Variants in NEDD9 observed in about 807,000 individuals in gnomAD.
NEDD9 encodes the protein neural precursor cell expressed, developmentally down-regulated 9.
A neutral mutation model predicts 76.6 loss-of-function variants in NEDD9; 26 were observed. The ratio of observed to expected loss-of-function variants is 0.34; its 90% CI spans 0.25 to 0.47. NEDD9 has a LOEUF of 0.47. Among genes scored for constraint, NEDD9 ranks in the 20% least tolerant of loss-of-function variants. The pLI is 1.00. For synonymous variants in NEDD9, 392 were observed against 414.2 expected, an observed-to-expected ratio of 0.95 and a Z score of 0.65; for missense variants, 937 against 1,058.5, an observed-to-expected ratio of 0.89 and a Z score of 1.59.
chr6:11,184,977 GAA>G lies in NEDD9; in HGVS notation c.*183_*184del. ...TGTATACATAAGAACCACTCAGGGG[GAA>G]AAAAAAAGATTTCCCTCTCCAGCTC... is the stretch of plus-strand genomic sequence containing the variant. On this transcript the variant is annotated 3_prime_UTR_variant, in exon 7 of 7. Transcript: ENST00000379446. 1.4e-6 allele frequency: 1 copy of G among 699,188 alleles called. No individual in the cohort carries two copies. The highest frequency in any genetic ancestry group is 2.2e-6 in the Non-Finnish European group (1 of 453,990). 43.3% of individuals were successfully genotyped at this position (699,188 alleles called of 1,614,324 possible). A position where few individuals can be genotyped will look rare whatever the true frequency, so the allele number is the denominator to read the frequency against.
chr6:11,201,525 T>C (rs917930172), intron 2 of NEDD9, among the ~76,000 whole-genome samples: 1 of 152,042 alleles, frequency 6.6e-6, no homozygotes, highest in African/African-American at 2.4e-5. Context: ...AGCAGAAAAA[T>C]CCTACTCTTT....
intron 2 of NEDD9, among the ~76,000 whole-genome samples, chr6:11,206,391 C>A (rs1240630875): frequency 1.3e-5 from 2 of 152,044 alleles, no homozygotes; most frequent in Non-Finnish European, 2.9e-5. Flanking sequence ...TGCATTCCAG[C>A]CTGGACAACA....
intron 3 of NEDD9, among the ~76,000 whole-genome samples, chr6:11,256,760 G>A (rs1029115742): frequency 2.0e-5 from 3 of 152,148 alleles, no homozygotes; most frequent in Non-Finnish European, 4.4e-5. Context: ...CACCCTGCCC[G>A]GTCGAATTCT....
At chr6:11,329,473 A>G (rs1053019260) in intron 2 of NEDD9, among the ~76,000 whole-genome samples, 4 of 152,152 alleles carry the variant, frequency 2.6e-5, no homozygotes, top group Admixed American at 6.5e-5. Context: ...TAGGGTTTTG[A>G]CGCACAGGAC....
intron 3 of NEDD9, among the ~76,000 whole-genome samples, chr6:11,304,677 A>G (rs1431091540): frequency 6.6e-6 from 1 of 152,214 alleles, no homozygotes; most frequent in Non-Finnish European, 1.5e-5. Flanking sequence ...AAAGCTGGAA[A>G]CCATCATTCT....
At chr6:11,317,873 A>G (rs970265398) in intron 2 of NEDD9, among the ~76,000 whole-genome samples, 1 of 152,170 alleles carries the variant, frequency 6.6e-6, no homozygotes, top group Non-Finnish European at 1.5e-5. Context: ...TTTTGAAATG[A>G]GATTAACGTG....
chr6:11,366,270 A>AGAAGGAAGGAAGGAAG lies in NEDD9; in HGVS notation c.-214+15853_-214+15868dup, dbSNP rs753253031. 1.6e-3 allele frequency among the ~76,000 whole-genome samples: 214 copies of AGAAGGAAGGAAGGAAG among 132,500 alleles called. 2 individuals are homozygous for AGAAGGAAGGAAGGAAG. Among genetic ancestry groups the AGAAGGAAGGAAGGAAG allele is most frequent in the African/African-American group, 6.8e-3 (205 of 30,282 alleles). 86.9% of individuals were successfully genotyped at this position (132,500 alleles called of 152,430 possible). ...GGGTGACAGAGTGAGAGTCTGAGAA[A>AGAAGGAAGGAAGGAAG]GAAGGAAGGAAGGAAGGAAGGAAGG... On this transcript the variant is annotated intron_variant, in intron 1 of 3. Coordinates refer to the NEDD9 transcript ENST00000397378.
At chr6:11,299,419 G>A (rs1044794219) in intron 3 of NEDD9, among the ~76,000 whole-genome samples, 1 of 152,204 alleles carries the variant, frequency 6.6e-6, no homozygotes, top group South Asian at 2.1e-4. Flanking sequence ...CCACCTCTGG[G>A]GTCAGGGCAT....
intron 1 of NEDD9, among the ~76,000 whole-genome samples, chr6:11,343,172 G>T (rs895785693): frequency 6.6e-6 from 1 of 152,166 alleles, no homozygotes; most frequent in African/African-American, 2.4e-5. Flanking sequence ...GCTCACGTCT[G>T]TAATCCCAGC....
intron 2 of NEDD9, among the ~76,000 whole-genome samples, chr6:11,203,931 G>C (rs1486454863): frequency 6.6e-6 from 1 of 151,704 alleles, no homozygotes; most frequent in Non-Finnish European, 1.5e-5. Flanking sequence ...AAAAACTTAA[G>C]GGTCAAGTTG....
intron 3 of NEDD9, among the ~76,000 whole-genome samples, chr6:11,282,416 A>C (rs1187441777): frequency 6.6e-6 from 1 of 152,190 alleles, no homozygotes; most frequent in East Asian, 1.9e-4. Flanking sequence ...CCATGCAGAC[A>C]GTGATGACCA....
At chr6:11,246,823 G>A (rs1156475406) in intron 3 of NEDD9, among the ~76,000 whole-genome samples, 1 of 152,168 alleles carries the variant, frequency 6.6e-6, no homozygotes, top group African/African-American at 2.4e-5. Context: ...TGGGCCAGTC[G>A]ACATGTTTCC....
intron 2 of NEDD9, among the ~76,000 whole-genome samples, chr6:11,202,735 A>T (rs897504624): frequency 2.6e-5 from 4 of 152,238 alleles, no homozygotes; most frequent in Non-Finnish European, 5.9e-5. Flanking sequence ...GCCATGTCCA[A>T]GGTTAACTCT....
intron 2 of NEDD9, among the ~76,000 whole-genome samples, chr6:11,323,894 A>T (rs759960374): frequency 1.6e-4 from 25 of 152,214 alleles, no homozygotes; most frequent in Non-Finnish European, 3.1e-4. Flanking sequence ...AAATCAGGAA[A>T]AGCATTCTTA....
At chr6:11,263,049 T>A (rs975948051) in intron 3 of NEDD9, among the ~76,000 whole-genome samples, 1 of 152,240 alleles carries the variant, frequency 6.6e-6, no homozygotes, top group African/African-American at 2.4e-5. Flanking sequence ...TTGGCTAATT[T>A]TTAATTCTGA....
intron 3 of NEDD9, among the ~76,000 whole-genome samples, chr6:11,263,594 A>G (rs930980597): frequency 2.6e-5 from 4 of 152,200 alleles, no homozygotes; most frequent in Admixed American, 1.3e-4. Context: ...GTGCTTGGAA[A>G]GTGAAAGCAA....
intron 1 of NEDD9, among the ~76,000 whole-genome samples, chr6:11,217,848 C>G (rs1273214556): frequency 6.6e-6 from 1 of 152,194 alleles, no homozygotes; most frequent in African/African-American, 2.4e-5. Flanking sequence ...ACCCTGATTG[C>G]AGCAGCCTCT....
intron 1 of NEDD9, among the ~76,000 whole-genome samples, chr6:11,359,088 G>GTTCT (rs1260221026): frequency 6.6e-6 from 1 of 152,200 alleles, no homozygotes; most frequent in African/African-American, 2.4e-5. Flanking sequence ...GAAAATTCCT[G>GTTCT]TTCTACTCCA....
intron 1 of NEDD9, among the ~76,000 whole-genome samples, chr6:11,220,041 AT>A (rs1419970108): frequency 6.6e-6 from 1 of 152,204 alleles, no homozygotes; most frequent in African/African-American, 2.4e-5. Context: ...AATATAAGAT[AT>A]GCTAATTTTT....
Sources: allele counts gnomAD v4.1 joint callset (sites outside exome capture counted in the v4.1 genomes callset), GRCh38; gene constraint gnomAD v4.1.1; transcripts MANE v1.5; gene names NCBI Gene and HGNC (gene_info 2026-07-23, HGNC 2026-07-21).